RBFOX1: variants seen among roughly 807,000 people sequenced by gnomAD.
The protein encoded by RBFOX1 is RNA binding protein fox-1 homolog 1.
A neutral mutation model predicts 57.7 loss-of-function variants in RBFOX1; 8 were observed. That is an observed-to-expected ratio of 0.14 (90% confidence interval 0.08 to 0.25). RBFOX1 has a LOEUF of 0.25. Ranked by LOEUF, RBFOX1 falls within the 10% of genes least tolerant of loss-of-function variation. RBFOX1 has a pLI of 1.00. For missense variants in RBFOX1, 611 were observed against 548.5 expected (o/e 1.11, Z -1.14); for synonymous variants, 326 against 222.4 (o/e 1.47, Z -4.15).
chr16:6,574,116 C>T (rs1172520071), intron 2 of RBFOX1, among the ~76,000 whole-genome samples: 1 of 152,180 alleles, frequency 6.6e-6, no homozygotes, highest in Non-Finnish European at 1.5e-5. Flanking sequence ...AACACTTGAG[C>T]TGCACACTCA....
chr16:6,848,208 G>T (rs946126078), intron 3 of RBFOX1, among the ~76,000 whole-genome samples: 1 of 151,932 alleles, frequency 6.6e-6, no homozygotes, highest in Admixed American at 6.6e-5. Flanking sequence ...AGCAAGTGGC[G>T]ACACCATGGT....
At chr16:7,219,992 GTT>G (rs2092599580) in intron 4 of RBFOX1, among the ~76,000 whole-genome samples, 1 of 152,128 alleles carries the variant, frequency 6.6e-6, no homozygotes, top group Non-Finnish European at 1.5e-5. Context: ...GTTGGTTTTT[GTT>G]AATGTGGTGT....
intron 3 of RBFOX1, among the ~76,000 whole-genome samples, chr16:5,714,167 T>C (rs994209767): frequency 2.0e-5 from 3 of 152,248 alleles, no homozygotes; most frequent in African/African-American, 7.2e-5. Flanking sequence ...CTTGCAGTGA[T>C]AGCCTCATTC....
At chr16:7,176,662 T>G (rs2081716465) in intron 4 of RBFOX1, among the ~76,000 whole-genome samples, 1 of 152,160 alleles carries the variant, frequency 6.6e-6, no homozygotes, top group Non-Finnish European at 1.5e-5. Context: ...GTTTGCCCCT[T>G]TACTGGAAAA....
intron 1 of RBFOX1, among the ~76,000 whole-genome samples, chr16:6,282,355 G>GTTTTTTT (rs151272388): frequency 8.0e-6 from 1 of 125,262 alleles, no homozygotes. Context: ...TACCTTGTCT[G>GTTTTTTT]TTTTTTTTTT....
intron 2 of RBFOX1, among the ~76,000 whole-genome samples, chr16:6,554,380 G>C (rs1271028440): frequency 5.3e-5 from 8 of 152,138 alleles, no homozygotes; most frequent in Admixed American, 5.2e-4. Flanking sequence ...TAATTGCCTA[G>C]GGATGGAGCG....
chr16:7,021,409 GTA>G (rs1381811820), intron 3 of RBFOX1, among the ~76,000 whole-genome samples: 2 of 142,862 alleles, frequency 1.4e-5, no homozygotes, highest in Admixed American at 7.0e-5. Context: ...TTTGTTTTAT[GTA>G]TGTTTTTTAT....
chr16:6,520,529 G>C (rs1395271144), intron 2 of RBFOX1, among the ~76,000 whole-genome samples: 1 of 151,406 alleles, frequency 6.6e-6, no homozygotes, highest in Non-Finnish European at 1.5e-5. Context: ...TGCCATATCA[G>C]TGGGACTATT....
At chr16:7,606,688 G>C (rs933518459) in intron 9 of RBFOX1, among the ~76,000 whole-genome samples, 1 of 152,140 alleles carries the variant, frequency 6.6e-6, no homozygotes, top group Non-Finnish European at 1.5e-5. Context: ...TTATTTGAAA[G>C]TTACCTTAGA....
In RBFOX1 at chr16:5,279,777, C is replaced by CAGT. The variant is rs2063227415; in HGVS notation, c.219+39674_219+39675insTAG. Among the ~76,000 whole-genome samples the CAGT allele has an allele frequency of 2.6e-5, 4 of 152,322 alleles. No homozygotes were observed. In the South Asian group the frequency reaches 8.3e-4, roughly 32 times the overall value. ...TTGGCCTCCCAAAGTGCTGGGATTA[C>CAGT]AGGCATGAGCCACCTTGCGCAGCCT... On this transcript the variant is annotated intron_variant, in intron 1 of 2. Coordinates refer to the RBFOX1 transcript ENST00000585867.
Position 5,738,635 on chromosome 16 carries a change from G to GAAAAAA in RBFOX1, c.319-128653_319-128648dup, listed in dbSNP as rs61011633. 7.8e-4 allele frequency among the ~76,000 whole-genome samples: 48 copies of GAAAAAA among 61,182 alleles called. 2 individuals carry two copies. Among genetic ancestry groups the GAAAAAA allele is most frequent in the African/African-American group, 2.1e-3 (31 of 14,456 alleles). 40.1% of individuals were successfully genotyped at this position (61,182 alleles called of 152,430 possible). On this transcript the variant is annotated intron_variant, in intron 3 of 19. Coordinates refer to the RBFOX1 transcript ENST00000641259. ...GGCGACAGAGCAAGGCTCTGTCTCA[G>GAAAAAA]AAAAAAAAAAAAAAAAAAAAGGGAA... is the stretch of plus-strand genomic sequence containing the variant.
At chr16:6,502,625 T>C (rs1399336010) in intron 2 of RBFOX1, among the ~76,000 whole-genome samples, 1 of 152,180 alleles carries the variant, frequency 6.6e-6, no homozygotes, top group East Asian at 1.9e-4. Context: ...CCATCCATGG[T>C]GGATAAGTTG....
intron 3 of RBFOX1, among the ~76,000 whole-genome samples, chr16:6,870,930 A>G (rs575026087): frequency 2.6e-5 from 4 of 152,274 alleles, no homozygotes; most frequent in South Asian, 2.1e-4. Flanking sequence ...GACTTTTTCC[A>G]TTTCTATCCG....
At chr16:5,469,163 G>C (rs1373650850) in intron 2 of RBFOX1, among the ~76,000 whole-genome samples, 1 of 152,168 alleles carries the variant, frequency 6.6e-6, no homozygotes, top group African/African-American at 2.4e-5. Context: ...AGCAGGTGGT[G>C]GAGGGGTTCT....
At chr16:7,086,403 TTATC>T (rs2059985824) in intron 4 of RBFOX1, among the ~76,000 whole-genome samples, 1 of 152,170 alleles carries the variant, frequency 6.6e-6, no homozygotes, top group Non-Finnish European at 1.5e-5. Flanking sequence ...AATTTCTTCT[TTATC>T]CATATATCAA....
intron 1 of RBFOX1, among the ~76,000 whole-genome samples, chr16:6,072,661 A>C (rs150282670): frequency 6.6e-6 from 1 of 151,738 alleles, no homozygotes; most frequent in African/African-American, 2.4e-5. Context: ...TAGGCATTGT[A>C]ACAGGTATGG....
chr16:6,183,761 G>T (rs72774583), intron 1 of RBFOX1, among the ~76,000 whole-genome samples: 31,465 of 152,000 alleles, frequency 0.21, 3,665 homozygotes, highest in Admixed American at 0.32. Flanking sequence ...GGAGCCTGGG[G>T]TAGGGGAGAA....
intron 3 of RBFOX1, among the ~76,000 whole-genome samples, chr16:6,836,458 G>T (rs920710426): frequency 2.0e-5 from 3 of 152,192 alleles, no homozygotes; most frequent in Admixed American, 6.5e-5. Flanking sequence ...ATTCTGCTTA[G>T]CTCTGTGCAG....
chr16:6,855,692 T>C (rs968801722), intron 3 of RBFOX1, among the ~76,000 whole-genome samples: 2 of 151,932 alleles, frequency 1.3e-5, no homozygotes, highest in Non-Finnish European at 2.9e-5. Flanking sequence ...TGGAGAGTTA[T>C]CTCAGCGATC....
Sources: allele counts gnomAD v4.1 joint callset (sites outside exome capture counted in the v4.1 genomes callset), GRCh38; gene constraint gnomAD v4.1.1; transcripts MANE v1.5; gene names NCBI Gene and HGNC (gene_info 2026-07-23, HGNC 2026-07-21).